The following COL4A5 variants were observed in gnomAD, a reference collection of about 807,000 sequenced individuals.
COL4A5 encodes collagen type IV alpha 5 chain.
COL4A5 carries 26 observed loss-of-function variants against 130.2 expected under a neutral mutation model. That is an observed-to-expected ratio of 0.20 (90% CI 0.15 to 0.28). The LOEUF (loss-of-function observed/expected upper bound fraction) is 0.28, where lower values mean the gene tolerates loss of function less well. Among genes scored for constraint, COL4A5 ranks in the 10% least tolerant of loss-of-function variants. The probability of loss-of-function intolerance (pLI) is 1.00; values close to 1 mark genes in which losing one functional copy is unlikely to be tolerated. For missense variants in COL4A5, 1,131 were observed against 1,344.3 expected (o/e 0.84, Z 2.48); for synonymous variants, 496 against 439.6 (o/e 1.13, Z -1.60).
intron 1 of COL4A5, among the ~76,000 whole-genome samples, chrX:108,507,288 C>G (rs1399692463): frequency 9.3e-6 from 1 of 108,063 alleles, no homozygotes; most frequent in Non-Finnish European, 1.9e-5. Context: ...AAACTTCAGG[C>G]CAATGTCCCT....
At chrX:108,695,488 G>C (rs1220170186) in intron 52 of COL4A5, 49 bp downstream of exon 52, 2 of 1,132,088 alleles carry the variant, frequency 1.8e-6, no homozygotes, top group Non-Finnish European at 2.4e-6. Context: ...CTTCAGAGAT[G>C]CTAGGGAAGA....
chrX:108,502,905 T>A (rs1276203612), intron 1 of COL4A5, among the ~76,000 whole-genome samples: 4 of 111,992 alleles, frequency 3.6e-5, no homozygotes, highest in Admixed American at 1.9e-4. Context: ...TTTATTCTTG[T>A]TCATTTAGAA....
Position 108,624,300 on chromosome X carries a change from A to G in COL4A5, c.2982A>G (p.Gly994=), listed in dbSNP as rs1259964366. Residue 994 remains glycine (G), a synonymous_variant, in exon 34 of 53, where the codon GGA becomes GGG. Coordinates refer to ENST00000328300, the MANE Select transcript of COL4A5 (RefSeq NM_033380.3). ...QGLPGDPGQP[G]LSGQPGLPGP... ...TGCCTGGAGACCCAGGGCAACCTGG[A>G]CTGAGTGGACAACCTGGATTACCAG... 1 of 1,210,085 alleles carries G rather than the reference A, an allele frequency of 8.3e-7. No homozygotes were observed. Among genetic ancestry groups the G allele is most frequent in the Non-Finnish European group, 1.1e-6 (1 of 894,373 alleles).
At chrX:108,529,481 G>T (rs2065357842) in intron 1 of COL4A5, among the ~76,000 whole-genome samples, 2 of 111,277 alleles carry the variant, frequency 1.8e-5, no homozygotes. Flanking sequence ...AAGAGAAAAA[G>T]AAATAAACAA....
intron 36 of COL4A5, among the ~76,000 whole-genome samples, chrX:108,651,915 A>G (rs947424213): frequency 1.8e-5 from 2 of 111,996 alleles, no homozygotes; most frequent in Admixed American, 9.5e-5. Context: ...GTCTTATTGT[A>G]TAATTCCTTT....
At chrX:108,586,873 T>TA in intron 19 of COL4A5, 126 bp downstream of exon 19, 1 of 726,158 alleles carries the variant, frequency 1.4e-6, no homozygotes, top group Non-Finnish European at 2.1e-6. Context: ...AATTGACAGA[T>TA]ACTTCCCAAC....
chrX:108,514,113 A>G (rs1185304847), intron 1 of COL4A5, among the ~76,000 whole-genome samples: 1 of 111,941 alleles, frequency 8.9e-6, no homozygotes, highest in Admixed American at 9.5e-5. Context: ...ATGATACCAC[A>G]CCGTCTTAAT....
intron 1 of COL4A5, among the ~76,000 whole-genome samples, chrX:108,477,469 A>G (rs1295164920): frequency 2.7e-5 from 3 of 111,780 alleles, no homozygotes; most frequent in Non-Finnish European, 5.6e-5. Flanking sequence ...AAGGAAATAA[A>G]ATGAAGATAT....
chrX:108,563,781 C>A, intron 3 of COL4A5, 101 bp from the exon 4 acceptor site: 1 of 657,392 alleles, frequency 1.5e-6, no homozygotes, highest in Non-Finnish European at 2.4e-6. Context: ...CTAACTTTCA[C>A]AGATGTTTAC....
chrX:108,461,103 A>G (rs2064645824), intron 1 of COL4A5, among the ~76,000 whole-genome samples: 1 of 111,635 alleles, frequency 9.0e-6, no homozygotes, highest in Non-Finnish European at 1.9e-5. Flanking sequence ...AGTGAGATCA[A>G]ACTGAAAAAG....
At chrX:108,614,039 A>G (rs2066883207) in intron 29 of COL4A5, among the ~76,000 whole-genome samples, 2 of 112,087 alleles carry the variant, frequency 1.8e-5, no homozygotes, top group South Asian at 7.4e-4. Context: ...CTCAAATTGC[A>G]AAAAGATTAA....
intron 29 of COL4A5, among the ~76,000 whole-genome samples, chrX:108,611,876 A>G (rs1333365873): frequency 9.0e-6 from 1 of 111,402 alleles, no homozygotes; most frequent in Non-Finnish European, 1.9e-5. Context: ...AATATCTCTC[A>G]TGAACATAGA....
chrX:108,611,479 T>G (rs1314078641), intron 29 of COL4A5, among the ~76,000 whole-genome samples: 1 of 111,093 alleles, frequency 9.0e-6, no homozygotes. Flanking sequence ...AATACAAAAG[T>G]ATATAATTTA....
intron 1 of COL4A5, among the ~76,000 whole-genome samples, chrX:108,531,086 A>G (rs1486554543): frequency 9.4e-6 from 1 of 105,948 alleles, no homozygotes; most frequent in Non-Finnish European, 1.9e-5. Flanking sequence ...GGAAATCATC[A>G]TTCTCAGTAA....
chrX:108,522,799 G>A lies in COL4A5; in HGVS notation c.82-16947G>A, dbSNP rs1287547494. ...AAACTTTTACAATTTTGATAAAATT[G>A]TTTTTAACTTTTTTTGTTACTTGTA... On this transcript the variant is annotated intron_variant, in intron 1 of 52. Transcript: ENST00000328300. Among the ~76,000 whole-genome samples the A allele has an allele frequency of 1.0e-4, 11 of 106,088 alleles. No individual in the cohort carries two copies. The Admixed American group carries it at 1.1e-3, about 11-fold the overall frequency. 92.1% of individuals were successfully genotyped at this position (106,088 alleles called of 115,157 possible).
At chrX:108,540,327 CA>C (rs2065517207) in intron 2 of COL4A5, among the ~76,000 whole-genome samples, 1 of 111,826 alleles carries the variant, frequency 8.9e-6, no homozygotes, top group Admixed American at 9.5e-5. Context: ...TAGGCAAAGA[CA>C]GGGGAAAAAC....
chrX:108,685,538 G>A (rs1055226147), intron 47 of COL4A5, among the ~76,000 whole-genome samples: 2 of 112,257 alleles, frequency 1.8e-5, no homozygotes, highest in African/African-American at 3.2e-5. Context: ...AAGATTGAAG[G>A]CTGATTTGGT....
At chrX:108,667,737 C>T (rs2068113994) in intron 40 of COL4A5, among the ~76,000 whole-genome samples, 1 of 110,525 alleles carries the variant, frequency 9.0e-6, no homozygotes, top group African/African-American at 3.3e-5. Context: ...ACACATATCT[C>T]CTGTAAAGTC....
In COL4A5 at chrX:108,694,482, G is replaced by A. The variant is rs2068694924; in HGVS notation, c.4707-325G>A. 1.4e-5 allele frequency: 4 copies of A among 278,233 alleles called. No homozygotes were observed. The South Asian group carries it at 1.9e-4, about 13-fold the overall frequency. 22.9% of individuals were successfully genotyped at this position (278,233 alleles called of 1,213,427 possible). On this transcript the variant is annotated intron_variant, in intron 50 of 52. Coordinates refer to ENST00000328300, the MANE Select transcript of COL4A5 (RefSeq NM_033380.3). ...CAATTGAGTACTTTGACAACAAGTA[G>A]TATGTGCAATACACCAAACCAAACT...
Sources: gnomAD v4.1 joint callset for allele counts (sites outside exome capture counted in the v4.1 genomes callset) on GRCh38, gnomAD v4.1.1 for gene constraint, MANE v1.5 for transcripts, NCBI Gene and HGNC (gene_info 2026-07-23, HGNC 2026-07-21) for gene names.